GREB1L: variants seen among roughly 807,000 people sequenced by gnomAD.
GREB1L encodes GREB1 like retinoic acid receptor coactivator.
Under a neutral mutation model 200.8 loss-of-function variants are expected in GREB1L, and 17 were observed. The observed-to-expected ratio is 0.08, with a 90% confidence interval of 0.06 to 0.13. The LOEUF (loss-of-function observed/expected upper bound fraction) is 0.13, where lower values mean the gene tolerates loss of function less well. Among genes scored for constraint, GREB1L ranks in the 10% least tolerant of loss-of-function variants. GREB1L has a pLI of 1.00. For synonymous variants in GREB1L, 789 were observed against 893.0 expected (o/e 0.88, Z 2.08); for missense variants, 1,657 against 2,367.7 (o/e 0.70, Z 6.23).
In GREB1L at chr18:21,451,016, C is replaced by G; in HGVS notation, c.1721-7C>G. On this transcript the variant is annotated splice_polypyrimidine_tract_variant and splice_region_variant and intron_variant, in intron 12 of 32. Coordinates refer to ENST00000424526, the MANE Select transcript of GREB1L (RefSeq NM_001142966.3). ...ATGAGTCTTCTCTTCTCTCCTCCAT[C>G]CTGCAGGTCAGCACCAGTCCCGAGC... The G allele has an allele frequency of 6.4e-7, 1 of 1,551,694 alleles. No homozygotes were observed. Among genetic ancestry groups the G allele is most frequent in the Non-Finnish European group, 8.7e-7 (1 of 1,146,878 alleles).
intron 1 of GREB1L, among the ~76,000 whole-genome samples, chr18:21,337,081 C>T (rs556324874): frequency 4.5e-4 from 68 of 152,236 alleles, no homozygotes; most frequent in African/African-American, 1.4e-3. Context: ...TTGAACATTC[C>T]GCAGTGTTCT....
intron 27 of GREB1L, among the ~76,000 whole-genome samples, chr18:21,509,924 T>C (rs186043728): frequency 5.8e-4 from 88 of 152,266 alleles, no homozygotes; most frequent in Non-Finnish European, 1.6e-4. Context: ...TTTACTGCCA[T>C]GGCCGGGTGC....
chr18:21,266,964 C>T (rs750380670), intron 1 of GREB1L, among the ~76,000 whole-genome samples: 6 of 152,110 alleles, frequency 3.9e-5, no homozygotes, highest in Non-Finnish European at 8.8e-5. Flanking sequence ...GACAGAGTCT[C>T]ACTTTGTTTC....
chr18:21,290,785 ACTGCACTCCAGCCTGGGCAACAGAG>A (rs1275885315), intron 1 of GREB1L, among the ~76,000 whole-genome samples: 1 of 149,134 alleles, frequency 6.7e-6, no homozygotes, highest in Non-Finnish European at 1.5e-5. Context: ...AGGTGGAGCC[ACTGCACTCCAGCCTGGGCAACAGAG>A]CAAGACTCTG....
intron 1 of GREB1L, among the ~76,000 whole-genome samples, chr18:21,270,849 T>G (rs2038066647): frequency 6.6e-6 from 1 of 152,234 alleles, no homozygotes; most frequent in South Asian, 2.1e-4. Context: ...TATTGAGCAT[T>G]GTGTACTCAA....
intron 4 of GREB1L, among the ~76,000 whole-genome samples, chr18:21,386,093 G>A (rs2040526095): frequency 6.6e-6 from 1 of 152,108 alleles, no homozygotes; most frequent in Non-Finnish European, 1.5e-5. Flanking sequence ...AGGAGGTGCA[G>A]TTTTTTTAAC....
intron 7 of GREB1L, among the ~76,000 whole-genome samples, chr18:21,415,582 AGAAAAG>A (rs1019005472): frequency 6.6e-6 from 1 of 152,260 alleles, no homozygotes; most frequent in African/African-American, 2.4e-5. Flanking sequence ...GAGAAGGAAA[AGAAAAG>A]GAAAGAAAGA....
intron 1 of GREB1L, among the ~76,000 whole-genome samples, chr18:21,309,486 A>G (rs1370005900): frequency 6.6e-6 from 1 of 152,196 alleles, no homozygotes; most frequent in Non-Finnish European, 1.5e-5. Context: ...ATCACTCTGT[A>G]CTACAGCCAG....
chr18:21,254,837 G>T (rs984880922), intron 1 of GREB1L, among the ~76,000 whole-genome samples: 2 of 152,036 alleles, frequency 1.3e-5, no homozygotes, highest in Admixed American at 1.3e-4. Context: ...GTCAGAAAAA[G>T]GCTCTTTATG....
intron 2 of GREB1L, among the ~76,000 whole-genome samples, chr18:21,380,057 G>A (rs1456517114): frequency 6.6e-6 from 1 of 152,048 alleles, no homozygotes; most frequent in Non-Finnish European, 1.5e-5. Context: ...ATGGCATTTT[G>A]TTTTTATTAC....
intron 1 of GREB1L, among the ~76,000 whole-genome samples, chr18:21,346,654 T>C (rs1374019797): frequency 6.6e-6 from 1 of 152,154 alleles, no homozygotes; most frequent in Non-Finnish European, 1.5e-5. Context: ...TTTACATTTG[T>C]CTGCAAATGA....
intron 2 of GREB1L, among the ~76,000 whole-genome samples, chr18:21,379,120 G>A (rs914996507): frequency 2.6e-5 from 4 of 152,186 alleles, no homozygotes; most frequent in African/African-American, 9.7e-5. Flanking sequence ...AAGTTGAAGA[G>A]ATTGAGATTA....
chr18:21,516,897 A>G (rs1260009255), intron 30 of GREB1L, 143 bp downstream of exon 30: 4 of 505,370 alleles, frequency 7.9e-6, no homozygotes, highest in Non-Finnish European at 1.3e-5. Flanking sequence ...TTTTTTTTTG[A>G]GACAGTCTGT....
At chr18:21,516,837 C>A in intron 30 of GREB1L, 83 bp downstream of exon 30, 5 of 1,174,006 alleles carry the variant, frequency 4.3e-6, no homozygotes, top group Middle Eastern at 2.0e-4. Flanking sequence ...TGGCATTAAG[C>A]ACTTTCTATT....
chr18:21,328,592 T>TC (rs2039060195), intron 1 of GREB1L, among the ~76,000 whole-genome samples: 1 of 151,942 alleles, frequency 6.6e-6, no homozygotes, highest in Non-Finnish European at 1.5e-5. Context: ...CTCAGGGGGG[T>TC]CTATTTGGCT....
At chr18:21,278,384 AAAAAAAAATAAAT>A (rs2038206544) in intron 1 of GREB1L, among the ~76,000 whole-genome samples, 2 of 127,100 alleles carry the variant, frequency 1.6e-5, no homozygotes, top group African/African-American at 7.0e-5. Context: ...CCATCTCAAA[AAAAAAAAATAAAT>A]AAATAAATAA....
chr18:21,244,907 ATTAAC>A, intron 1 of GREB1L, among the ~76,000 whole-genome samples: 1 of 152,330 alleles, frequency 6.6e-6, no homozygotes, highest in African/African-American at 2.4e-5. Flanking sequence ...TAAAGTGGAA[ATTAAC>A]TTTACCTACT....
intron 1 of GREB1L, among the ~76,000 whole-genome samples, chr18:21,358,389 C>T (rs1351916923): frequency 6.6e-6 from 1 of 152,130 alleles, no homozygotes; most frequent in Admixed American, 6.6e-5. Context: ...GATCTCAGCT[C>T]GCTGCAAGCT....
At chr18:21,266,618 T>C (rs1320065088) in intron 1 of GREB1L, among the ~76,000 whole-genome samples, 1 of 152,206 alleles carries the variant, frequency 6.6e-6, no homozygotes, top group Non-Finnish European at 1.5e-5. Flanking sequence ...TAAAAACACA[T>C]TGCATGCTTT....
Sources: allele counts gnomAD v4.1 joint callset (sites outside exome capture counted in the v4.1 genomes callset), GRCh38; gene constraint gnomAD v4.1.1; transcripts MANE v1.5; gene names NCBI Gene and HGNC (gene_info 2026-07-23, HGNC 2026-07-21).